ABCC4: variants seen among roughly 807,000 people sequenced by gnomAD.
ABCC4 encodes the protein ATP-binding cassette sub-family C member 4.
Under a neutral mutation model 168.5 loss-of-function variants are expected in ABCC4, and 102 were observed. The ratio of observed to expected loss-of-function variants is 0.61; its 90% CI spans 0.52 to 0.71. ABCC4 has a LOEUF of 0.71. ABCC4 is among the 30% of genes least tolerant of loss of function. The pLI is 0.00. For missense variants in ABCC4, 1,402 were observed against 1,605.8 expected, an observed-to-expected ratio of 0.87 and a Z score of 2.17; for synonymous variants, 617 against 590.7, an observed-to-expected ratio of 1.04 and a Z score of -0.65.
At chr13:95,297,912 G>A (rs2041576912) in intron 1 of ABCC4, among the ~76,000 whole-genome samples, 1 of 152,088 alleles carries the variant, frequency 6.6e-6, no homozygotes, top group South Asian at 2.1e-4. Context: ...ATGTCTCTCT[G>A]GGCCTGATAA....
intron 8 of ABCC4, among the ~76,000 whole-genome samples, chr13:95,198,445 A>T (rs1303679681): frequency 6.6e-6 from 1 of 152,238 alleles, no homozygotes; most frequent in African/African-American, 2.4e-5. Flanking sequence ...GATCATTAAA[A>T]AGTCAGGAAA....
At chr13:95,138,012 T>C (rs1021596128) in intron 19 of ABCC4, among the ~76,000 whole-genome samples, 1 of 152,190 alleles carries the variant, frequency 6.6e-6, no homozygotes, top group Admixed American at 6.5e-5. Context: ...GAACCAATAC[T>C]GAACAGCATT....
chr13:95,164,702 A>AT (rs372350062), intron 15 of ABCC4, among the ~76,000 whole-genome samples, 184 bp from the exon 16 acceptor site: 1,734 of 151,218 alleles, frequency 0.011, 49 homozygotes, highest in African/African-American at 0.039. Flanking sequence ...TATTTATTTA[A>AT]TTTTTTTTTG....
chr13:95,145,888 G>A (rs747641612), intron 19 of ABCC4, among the ~76,000 whole-genome samples: 3 of 152,106 alleles, frequency 2.0e-5, no homozygotes, highest in Non-Finnish European at 2.9e-5. Context: ...ACAAACAGGA[G>A]CTAAACATTT....
Position 95,116,448 on chromosome 13 carries a change from C to A in ABCC4, c.2456-447G>T, listed in dbSNP as rs367851314. On this transcript the variant is annotated intron_variant, in intron 19 of 30. Transcript: ENST00000645237. ...ATTTTTTATATAAACATAATGATAA[C>A]CTCTGTATTTTTTTTTCCCCAGCCT... Among the ~76,000 whole-genome samples, 4 of 152,276 alleles carry A rather than the reference C, an allele frequency of 2.6e-5. No homozygotes were observed. In the South Asian group the frequency reaches 6.2e-4, roughly 24 times the overall value.
Position 95,206,666 on chromosome 13 carries a change from C to T in ABCC4, c.1027G>A (p.Gly343Ser), listed in dbSNP as rs368368634. The stretch of plus-strand genomic sequence containing the variant: ...ACGCGGCTGGCTGTGATCACACTGC[C>T]GAGGAGCACGTAGGTGGTGAAGGTC... ...FVTFTTYVLL[G>S]SVITASRVFV... The change falls in exon 8 of 31, where the codon GGC becomes AGC. Residue 343 changes from glycine (G) to serine (S), a missense_variant. This residue lies in a region of ABCC4 where 78 missense variants were observed against 133.0 expected (regional missense o/e 0.59). Transcript: ENST00000645237. 5.6e-6 allele frequency: 9 copies of T among 1,614,004 alleles called. No individual in the cohort carries two copies. Among genetic ancestry groups the T allele is most frequent in the Middle Eastern group, 1.6e-4 (1 of 6,084 alleles).
chr13:95,194,606 G>T (rs2038357687), intron 9 of ABCC4, among the ~76,000 whole-genome samples: 1 of 152,024 alleles, frequency 6.6e-6, no homozygotes, highest in Admixed American at 6.6e-5. Context: ...CACTTTCCTT[G>T]GTTTTTTGAA....
At position 95,083,165 on chromosome 13, in the gene ABCC4, T is replaced by C; in HGVS notation, c.2661A>G (p.Arg887=). The C allele has an allele frequency of 9.3e-6, 15 of 1,614,026 alleles. No homozygotes were observed. The highest frequency in any genetic ancestry group is 1.2e-5 in the Non-Finnish European group (14 of 1,179,962). The change falls in exon 21 of 31, where the codon AGA becomes AGG. Residue 887 remains arginine, a synonymous_variant. Transcript: ENST00000645237. ...FLRRYFLETS[R]DVKRLESTTR... The stretch of plus-strand genomic sequence containing the variant: ...TTGTAGATTCCAGGCGCTTCACATC[T>C]CTTGACGTTTCCAAAAAATATCGCC...
intron 27 of ABCC4, among the ~76,000 whole-genome samples, chr13:95,045,026 C>A (rs1308860871): frequency 6.6e-6 from 1 of 152,176 alleles, no homozygotes; most frequent in Non-Finnish European, 1.5e-5. Context: ...GCAAATTAGA[C>A]CTCAATAGAG....
Position 95,020,135 on chromosome 13 carries a change from G to C in ABCC4, c.*1440C>G, listed in dbSNP as rs1401703467. 6.6e-6 allele frequency: 1 copy of C among 152,126 alleles called. No individual in the cohort carries two copies. The highest frequency in any genetic ancestry group is 2.1e-4 in the South Asian group (1 of 4,828). 9.4% of individuals were successfully genotyped at this position (152,126 alleles called of 1,614,324 possible). A position where few individuals can be genotyped will look rare whatever the true frequency, so the allele number is the denominator to read the frequency against. ...GTACTAGGAGTTGAACAGCTACTAC[G>C]GTCAATGTATTTTGGCAGTTAGCTG... On this transcript the variant is annotated 3_prime_UTR_variant, in exon 31 of 31. Coordinates refer to ENST00000645237, the MANE Select transcript of ABCC4 (RefSeq NM_005845.5).
chr13:95,251,008 G>A (rs998323368), intron 1 of ABCC4, among the ~76,000 whole-genome samples: 1 of 151,918 alleles, frequency 6.6e-6, no homozygotes, highest in Non-Finnish European at 1.5e-5. Context: ...GGCTGGTATC[G>A]AACTCCTGGG....
At chr13:95,068,694 C>T (rs2033629547) in intron 25 of ABCC4, among the ~76,000 whole-genome samples, 1 of 151,982 alleles carries the variant, frequency 6.6e-6, no homozygotes, top group South Asian at 2.1e-4. Context: ...TCAGGTAATC[C>T]TATGATTTGG....
chr13:95,204,629 A>C (rs1214574857), intron 8 of ABCC4, among the ~76,000 whole-genome samples: 1 of 152,206 alleles, frequency 6.6e-6, no homozygotes, highest in African/African-American at 2.4e-5. Flanking sequence ...TGAGTCAATT[A>C]AACCTCTTTC....
intron 1 of ABCC4, among the ~76,000 whole-genome samples, chr13:95,288,977 C>T (rs2041327980): frequency 6.6e-6 from 1 of 152,170 alleles, no homozygotes. Context: ...GAGAGCTCTC[C>T]AGGCCCAGCC....
chr13:95,265,496 T>G (rs921055414), intron 1 of ABCC4, among the ~76,000 whole-genome samples: 1 of 151,842 alleles, frequency 6.6e-6, no homozygotes, highest in Non-Finnish European at 1.5e-5. Flanking sequence ...ATTAGCCAGG[T>G]ACAGTGGCTC....
At chr13:95,252,431 T>C (rs2040288642) in intron 1 of ABCC4, among the ~76,000 whole-genome samples, 1 of 152,114 alleles carries the variant, frequency 6.6e-6, no homozygotes, top group Non-Finnish European at 1.5e-5. Flanking sequence ...ATCCTAGCAC[T>C]TTGGGAGGCC....
At chr13:95,237,715 G>A (rs149969619) in intron 3 of ABCC4, among the ~76,000 whole-genome samples, 50 of 152,120 alleles carry the variant, frequency 3.3e-4, no homozygotes, top group African/African-American at 1.1e-3. Context: ...GCGGGCACGC[G>A]GCCTCCATGC....
chr13:95,041,358 T>C (rs2032351688), intron 29 of ABCC4, among the ~76,000 whole-genome samples: 2 of 152,250 alleles, frequency 1.3e-5, no homozygotes, highest in South Asian at 2.1e-4. Context: ...TAGGTCGCAG[T>C]TGTTTCCCAA....
chr13:95,065,835 C>T (rs543239347), intron 25 of ABCC4, among the ~76,000 whole-genome samples: 3 of 152,330 alleles, frequency 2.0e-5, no homozygotes, highest in African/African-American at 7.2e-5. Flanking sequence ...TTTTAATCAA[C>T]ATTAGTTTGA....
Sources: gnomAD v4.1 joint callset for allele counts (sites outside exome capture counted in the v4.1 genomes callset) on GRCh38, gnomAD v4.1.1 for gene constraint, gnomAD v4.1.1 regional missense constraint, MANE v1.5 for transcripts, NCBI Gene and HGNC (gene_info 2026-07-23, HGNC 2026-07-21) for gene names.